Variants in DIXDC1 observed in about 807,000 individuals in gnomAD.
DIXDC1 encodes the protein DIX domain containing 1, also known as dixin.
Under a neutral mutation model 103.1 loss-of-function variants are expected in DIXDC1, and 64 were observed. That is an observed-to-expected ratio of 0.62 (90% confidence interval 0.51 to 0.76). The LOEUF (loss-of-function observed/expected upper bound fraction) is 0.76, where lower values mean the gene tolerates loss of function less well. DIXDC1 is among the 30% of genes least tolerant of loss of function. The pLI, the probability that DIXDC1 is intolerant of heterozygous loss-of-function variation, is 0.00. For synonymous variants in DIXDC1, 266 were observed against 298.5 expected (o/e 0.89, Z 1.12); for missense variants, 759 against 834.2 (o/e 0.91, Z 1.11).
chr11:111,986,969 G>T, intron 9 of DIXDC1, 45 bp downstream of exon 9: 1 of 1,509,080 alleles, frequency 6.6e-7, no homozygotes, highest in Non-Finnish European at 9.0e-7. Flanking sequence ...ACATTATGGG[G>T]GCCAGGCACG....
chr11:111,949,025 A>C (rs1419790923), intron 1 of DIXDC1, among the ~76,000 whole-genome samples: 1 of 151,866 alleles, frequency 6.6e-6, no homozygotes, highest in East Asian at 1.9e-4. Flanking sequence ...CTGTGGGCAT[A>C]TTCCTCTGAA....
intron 6 of DIXDC1, 78 bp downstream of exon 6, chr11:111,980,927 G>T (rs1860282028): frequency 8.3e-7 from 1 of 1,206,236 alleles, no homozygotes. Flanking sequence ...TCACCAATAA[G>T]CTCCCTGGCC....
chr11:111,957,791 A>G (rs1174333734), intron 1 of DIXDC1, among the ~76,000 whole-genome samples: 1 of 152,248 alleles, frequency 6.6e-6, no homozygotes, highest in Non-Finnish European at 1.5e-5. Context: ...GATAAAGGAC[A>G]TTAGTGGGAC....
In DIXDC1 at chr11:111,974,199, G is replaced by T. The variant is rs782515563; in HGVS notation, c.493G>T (p.Asp165Tyr). ...VAQGAAAALADVCHDMSRSGR... is the reference protein window; with the variant it reads ...VAQGAAAALAYVCHDMSRSGR... ...CCAGGGAGCAGCTGCTGCTCTGGCC[G>T]ATGTGTGTCATGACATGTCCCGATC... The change falls in exon 4 of 20, where the codon GAT becomes TAT. Residue 165 changes from aspartate (D) to tyrosine (Y), a missense_variant. Asp to Tyr is a radical substitution (Grantham distance 160). This residue lies in a region of DIXDC1 where 657 missense variants were observed against 727.5 expected (regional missense o/e 0.90). Coordinates refer to ENST00000440460, the MANE Select transcript of DIXDC1 (RefSeq NM_001037954.4). The T allele has an allele frequency of 6.2e-7, 1 of 1,613,930 alleles. No homozygotes were observed. Among genetic ancestry groups the T allele is most frequent in the Admixed American group, 1.7e-5 (1 of 60,012 alleles).
chr11:111,978,539 C>T (rs1450857984), intron 5 of DIXDC1, among the ~76,000 whole-genome samples: 2 of 152,182 alleles, frequency 1.3e-5, no homozygotes, highest in African/African-American at 4.8e-5. Context: ...TTTGGCTGCT[C>T]TGCCACTCCC....
At chr11:111,964,522 C>G in intron 1 of DIXDC1, 27 bp from the exon 2 acceptor site, 2 of 1,569,520 alleles carry the variant, frequency 1.3e-6, no homozygotes, top group Non-Finnish European at 1.7e-6. Flanking sequence ...TGCTCTCTTT[C>G]CCTTACTTAT....
chr11:111,994,563 A>C (rs782633954), intron 14 of DIXDC1, among the ~76,000 whole-genome samples: 1 of 151,122 alleles, frequency 6.6e-6, no homozygotes, highest in African/African-American at 2.4e-5. Context: ...GTATATATGT[A>C]TATGTATGTA....
chr11:111,964,123 G>A (rs1215509225), intron 1 of DIXDC1, among the ~76,000 whole-genome samples: 1 of 152,206 alleles, frequency 6.6e-6, no homozygotes, highest in Non-Finnish European at 1.5e-5. Flanking sequence ...GAGTATCAGA[G>A]TCTGTTATGC....
chr11:111,967,632 A>G lies in DIXDC1; in HGVS notation c.191-881A>G, dbSNP rs375018889. 8.5e-5 allele frequency among the ~76,000 whole-genome samples: 13 copies of G among 152,292 alleles called. No individual in the cohort carries two copies. In the South Asian group the frequency reaches 2.5e-3, roughly 29 times the overall value. On this transcript the variant is annotated intron_variant, in intron 2 of 19. Transcript: ENST00000440460. Reference sequence around the variant, plus strand: ...TTTTTGTAGAGACGGGGTTTTCACCATCTTGCCCAGGCTAGTCTTGAACTC... The same window carrying G: ...TTTTTGTAGAGACGGGGTTTTCACCGTCTTGCCCAGGCTAGTCTTGAACTC...
intron 17 of DIXDC1, among the ~76,000 whole-genome samples, chr11:112,004,570 G>C (rs1241065113): frequency 2.0e-5 from 3 of 152,166 alleles, no homozygotes; most frequent in African/African-American, 7.2e-5. Context: ...GGCTGCGTCA[G>C]GACAACAGAG....
In DIXDC1 at chr11:112,017,756, T is replaced by C. The variant is rs1861638299; in HGVS notation, c.1863-21T>C. On this transcript the variant is annotated intron_variant, in intron 18 of 19. Transcript: ENST00000440460. This position sits in a 1 kb window ranked among gnomAD's most constrained non-coding sequence, Gnocchi z 4.0. The stretch of plus-strand genomic sequence containing the variant: ...GCTATTGATCAACAGTCTATTTTAG[T>C]GCTCTCTCCTTGTGTTGCAGGTTGG... The C allele has an allele frequency of 1.3e-6, 2 of 1,581,968 alleles. No homozygotes were observed. The highest frequency in any genetic ancestry group is 1.1e-5 in the South Asian group (1 of 87,590).
chr11:111,935,150 C>G (rs1173300720), upstream of DIXDC1, among the ~76,000 whole-genome samples: 1 of 152,190 alleles, frequency 6.6e-6, no homozygotes, highest in Non-Finnish European at 1.5e-5. Context: ...CTACAATTCT[C>G]TCTTAATTCC....
chr11:111,977,338 C>A lies in DIXDC1; in HGVS notation c.656+2355C>A. 1 of 1,068,644 alleles carries A rather than the reference C, an allele frequency of 9.4e-7. No individual in the cohort carries two copies. Among genetic ancestry groups the A allele is most frequent in the Non-Finnish European group, 1.1e-6 (1 of 882,340 alleles). The allele number at this position is 1,068,644 out of a possible 1,614,324, so 66.2% of individuals were successfully genotyped here. The stretch of plus-strand genomic sequence containing the variant: ...GGAAGGTGGCACGGAGTGGGATCGC[C>A]GCTGGGGACTCGAGGCGCAGCCTGC... On this transcript the variant is annotated intron_variant, in intron 5 of 19. Transcript: ENST00000440460. This position sits in a 1 kb window ranked among gnomAD's most constrained non-coding sequence, Gnocchi z 6.1.
Position 111,977,223 on chromosome 11 carries a change from G to T in DIXDC1, c.656+2240G>T. 1 of 995,078 alleles carries T rather than the reference G, an allele frequency of 1.0e-6. No individual in the cohort carries two copies. Among genetic ancestry groups the T allele is most frequent in the Non-Finnish European group, 1.2e-6 (1 of 836,382 alleles). 61.6% of individuals were successfully genotyped at this position (995,078 alleles called of 1,614,324 possible). On this transcript the variant is annotated intron_variant, in intron 5 of 19. Transcript: ENST00000440460. This position sits in a 1 kb window ranked among gnomAD's most constrained non-coding sequence, Gnocchi z 6.1. ...AACCTCCGTCCAGAGCGGTCGGTTG[G>T]CCAGCGGAGCTGGCTTGGGTCGGAG... is the stretch of plus-strand genomic sequence containing the variant.
At chr11:112,008,131 CAAAAAAAA>C (rs782037838) in intron 17 of DIXDC1, among the ~76,000 whole-genome samples, 1 of 52,272 alleles carries the variant, frequency 1.9e-5, no homozygotes, top group Non-Finnish European at 4.7e-5. Context: ...AAATGCAAAG[CAAAAAAAA>C]AAAAAAAAGA....
intron 17 of DIXDC1, among the ~76,000 whole-genome samples, chr11:112,004,647 T>A (rs1449267975): frequency 6.6e-6 from 1 of 152,154 alleles, no homozygotes; most frequent in African/African-American, 2.4e-5. Context: ...GGACTGCTTC[T>A]GAGGCAGGAA....
chr11:111,989,996 T>C (rs758271362), intron 10 of DIXDC1, among the ~76,000 whole-genome samples: 2 of 151,410 alleles, frequency 1.3e-5, no homozygotes, highest in Non-Finnish European at 2.9e-5. Context: ...TTCACCGTGT[T>C]AGCCAGGATG....
intron 1 of DIXDC1, among the ~76,000 whole-genome samples, chr11:111,951,869 C>CTT (rs35155467): frequency 0.011 from 1,558 of 143,196 alleles, 16 homozygotes; most frequent in African/African-American, 0.032. Flanking sequence ...TCCATTAAAA[C>CTT]TTTTTTTTTT....
chr11:111,931,516 G>A (rs188974547), intron 2 of DIXDC1, among the ~76,000 whole-genome samples: 1 of 152,072 alleles, frequency 6.6e-6, no homozygotes, highest in East Asian at 1.9e-4. Flanking sequence ...GGTGGCGGAC[G>A]CCTGTAATCC....
Sources: allele counts gnomAD v4.1 joint callset (sites outside exome capture counted in the v4.1 genomes callset), GRCh38; gene constraint gnomAD v4.1.1; regional missense constraint gnomAD v4.1.1; non-coding constraint Gnocchi (gnomAD v3.1); transcripts MANE v1.5; gene names NCBI Gene and HGNC (gene_info 2026-07-23, HGNC 2026-07-21).